The following PDGFD variants were observed in gnomAD, a reference collection of about 807,000 sequenced individuals.
The protein encoded by PDGFD is platelet-derived growth factor D.
In PDGFD, 30 loss-of-function variants were observed where a neutral mutation model predicts 44.7. The observed-to-expected ratio is 0.67, with a 90% CI of 0.50 to 0.91. The LOEUF (loss-of-function observed/expected upper bound fraction) is 0.91. Among genes scored for constraint, PDGFD ranks in the 40% least tolerant of loss-of-function variants. The probability of loss-of-function intolerance (pLI) is 0.00; values close to 1 mark genes in which losing one functional copy is unlikely to be tolerated. For missense variants in PDGFD, 445 were observed against 457.8 expected, an observed-to-expected ratio of 0.97 and a Z score of 0.25; for synonymous variants, 173 against 168.4, an observed-to-expected ratio of 1.03 and a Z score of -0.21.
chr11:104,059,369 A>C (rs1860674399), intron 1 of PDGFD, among the ~76,000 whole-genome samples: 1 of 152,238 alleles, frequency 6.6e-6, no homozygotes, highest in Non-Finnish European at 1.5e-5. Flanking sequence ...AACTGTCAGC[A>C]ATTTCATTAG....
intron 1 of PDGFD, among the ~76,000 whole-genome samples, chr11:104,013,746 G>A (rs1197791274): frequency 6.6e-6 from 1 of 151,818 alleles, no homozygotes; most frequent in Non-Finnish European, 1.5e-5. Flanking sequence ...TTTTCAATAG[G>A]TAGCATGATC....
At chr11:104,015,981 T>C (rs761888685) in intron 1 of PDGFD, among the ~76,000 whole-genome samples, 33 of 152,202 alleles carry the variant, frequency 2.2e-4, no homozygotes, top group Admixed American at 1.3e-4. Context: ...TAATAAATTT[T>C]AAATAGTAGT....
At chr11:104,019,188 A>G (rs1859912178) in intron 1 of PDGFD, among the ~76,000 whole-genome samples, 1 of 152,234 alleles carries the variant, frequency 6.6e-6, no homozygotes, top group South Asian at 2.1e-4. Flanking sequence ...GAGCTTTGAA[A>G]GGCTAAGGAT....
intron 3 of PDGFD, among the ~76,000 whole-genome samples, chr11:103,959,850 C>T (rs1858909972): frequency 6.6e-6 from 1 of 152,138 alleles, no homozygotes. Flanking sequence ...GTCTTCTCCT[C>T]CAGGCTGGGA....
chr11:104,062,697 A>C (rs1034262149), intron 1 of PDGFD, among the ~76,000 whole-genome samples: 1 of 152,232 alleles, frequency 6.6e-6, no homozygotes, highest in African/African-American at 2.4e-5. Context: ...GAATTGCTGC[A>C]GTTAAAAATA....
chr11:104,064,385 C>T (rs1860757422), intron 1 of PDGFD, among the ~76,000 whole-genome samples: 1 of 152,320 alleles, frequency 6.6e-6, no homozygotes, highest in South Asian at 2.1e-4. Flanking sequence ...AAATGCACTT[C>T]AGAAGCACAT....
intron 1 of PDGFD, among the ~76,000 whole-genome samples, chr11:104,021,636 T>C (rs1252101444): frequency 6.6e-6 from 1 of 152,190 alleles, no homozygotes; most frequent in African/African-American, 2.4e-5. Flanking sequence ...ATATCCAACC[T>C]GACTCTGGGA....
At chr11:103,999,446 C>A (rs966784646) in intron 2 of PDGFD, among the ~76,000 whole-genome samples, 17 of 152,170 alleles carry the variant, frequency 1.1e-4, no homozygotes, top group Admixed American at 7.2e-4. Flanking sequence ...TTATCAGACA[C>A]AGCTTTCATC....
intron 1 of PDGFD, among the ~76,000 whole-genome samples, chr11:104,140,329 A>T (rs1003354509): frequency 1.3e-5 from 2 of 152,154 alleles, no homozygotes; most frequent in Non-Finnish European, 2.9e-5. Context: ...TTAGCACAAA[A>T]TGCAAAGAAA....
chr11:104,071,088 TATAATGTTAAATCCCAGC>T lies in PDGFD; in HGVS notation c.125-70851_125-70834del, dbSNP rs1396052535. Reference sequence around the variant, plus strand: ...ACAATATACATATTATTTTAATATATATAATGTTAAATCCCAGCATAATATGAGATCTACCCACTTACA... The same window carrying T: ...ACAATATACATATTATTTTAATATATATAATATGAGATCTACCCACTTACA... On this transcript the variant is annotated intron_variant, in intron 1 of 6. Coordinates refer to ENST00000393158, the MANE Select transcript of PDGFD (RefSeq NM_025208.5). Among the ~76,000 whole-genome samples the T allele has an allele frequency of 5.9e-5, 9 of 152,102 alleles. No individual in the cohort carries two copies. In the East Asian group the frequency reaches 1.5e-3, roughly 26 times the overall value.
intron 1 of PDGFD, among the ~76,000 whole-genome samples, chr11:104,075,735 T>A (rs138275867): frequency 0.011 from 1,633 of 152,212 alleles, 16 homozygotes; most frequent in Non-Finnish European, 0.017. Flanking sequence ...GCGCTGCCAT[T>A]ACCCCTGGTA....
intron 1 of PDGFD, among the ~76,000 whole-genome samples, chr11:104,016,960 G>A (rs1249130149): frequency 6.6e-6 from 1 of 152,178 alleles, no homozygotes; most frequent in South Asian, 2.1e-4. Flanking sequence ...TAGTCTGAAT[G>A]TTTGTGTCCC....
At chr11:103,960,836 G>A (rs966122347) in intron 3 of PDGFD, among the ~76,000 whole-genome samples, 1 of 148,958 alleles carries the variant, frequency 6.7e-6, no homozygotes, top group African/African-American at 2.6e-5. Flanking sequence ...ATGTCTTCTT[G>A]CTGTGCCCAC....
chr11:103,958,056 A>G (rs986250558), intron 3 of PDGFD, among the ~76,000 whole-genome samples: 1 of 152,200 alleles, frequency 6.6e-6, no homozygotes, highest in African/African-American at 2.4e-5. Flanking sequence ...AGCATTAAAA[A>G]AAAAAACTCT....
intron 1 of PDGFD, among the ~76,000 whole-genome samples, chr11:104,123,783 A>T (rs1861808413): frequency 6.6e-6 from 1 of 152,010 alleles, no homozygotes; most frequent in African/African-American, 2.4e-5. Flanking sequence ...TGGGATTTTA[A>T]ATTTCTTTAA....
chr11:103,917,952 G>T (rs1372969471), intron 6 of PDGFD, among the ~76,000 whole-genome samples: 1 of 152,154 alleles, frequency 6.6e-6, no homozygotes, highest in African/African-American at 2.4e-5. Context: ...CTTTCATTTA[G>T]AATTTTGCCA....
At chr11:103,988,801 G>A (rs1475029362) in intron 3 of PDGFD, among the ~76,000 whole-genome samples, 6 of 152,052 alleles carry the variant, frequency 3.9e-5, no homozygotes, top group African/African-American at 1.5e-4. Context: ...TGAATCACTT[G>A]TAAAATAACA....
intron 1 of PDGFD, among the ~76,000 whole-genome samples, chr11:104,035,810 A>G (rs904079453): frequency 1.3e-5 from 2 of 152,076 alleles, no homozygotes; most frequent in African/African-American, 4.8e-5. Context: ...TTGGAGTGAG[A>G]CCACTTTGCA....
At chr11:104,109,588 A>G (rs1861522012) in intron 1 of PDGFD, among the ~76,000 whole-genome samples, 1 of 152,198 alleles carries the variant, frequency 6.6e-6, no homozygotes, top group Non-Finnish European at 1.5e-5. Context: ...TGCACAAAGA[A>G]TATACAAGAA....
Sources: allele counts gnomAD v4.1 joint callset (sites outside exome capture counted in the v4.1 genomes callset), GRCh38; gene constraint gnomAD v4.1.1; transcripts MANE v1.5; gene names NCBI Gene and HGNC (gene_info 2026-07-23, HGNC 2026-07-21).